The following STRA8 variants were observed in gnomAD, a reference collection of about 807,000 sequenced individuals.
STRA8 encodes stimulated by retinoic acid 8, also known as stimulated by retinoic acid gene 8 protein homolog.
STRA8 carries 18 observed loss-of-function variants against 37.1 expected under a neutral mutation model. That is an observed-to-expected ratio of 0.48 (90% CI 0.34 to 0.72). The LOEUF (loss-of-function observed/expected upper bound fraction) is 0.72, where lower values mean the gene tolerates loss of function less well. Ranked by LOEUF, STRA8 falls within the 30% of genes least tolerant of loss-of-function variation. The pLI is 0.01. For missense variants in STRA8, 357 were observed against 410.4 expected, an observed-to-expected ratio of 0.87 and a Z score of 1.13; for synonymous variants, 168 against 162.9, an observed-to-expected ratio of 1.03 and a Z score of -0.24.
intron 5 of STRA8, among the ~76,000 whole-genome samples, 176 bp downstream of exon 5, chr7:135,245,703 G>A (rs913011199): frequency 3.3e-5 from 5 of 152,184 alleles, no homozygotes; most frequent in Non-Finnish European, 7.3e-5. Flanking sequence ...GGGGCTGAGG[G>A]ACAGGACTGG....
At chr7:135,243,879 T>G (rs1585472613) in intron 4 of STRA8, among the ~76,000 whole-genome samples, 1 of 152,328 alleles carries the variant, frequency 6.6e-6, no homozygotes, top group East Asian at 1.9e-4. Flanking sequence ...CAGTCTATAT[T>G]CCAAGCCTCC....
In STRA8 at chr7:135,246,565, G is replaced by T; in HGVS notation, c.742G>T (p.Ala248Ser). 6.4e-7 allele frequency: 1 copy of T among 1,559,374 alleles called. No individual in the cohort carries two copies. Residue 248 changes from alanine (A) to serine (S), a missense_variant, in exon 6 of 9, where the codon GCC becomes TCC. By Grantham distance (99) the Ala-to-Ser change is moderately conservative. Coordinates refer to ENST00000662584, the MANE Select transcript of STRA8 (RefSeq NM_001394401.1). This position sits in a 1 kb window ranked among gnomAD's most constrained non-coding sequence, Gnocchi z 5.4. Reference sequence around the variant, plus strand: ...GGAGAGGAAGGCCAGCCTCCGGCAGGCCTGGGCGCAGAAGCACCGCGGCCC... The same window carrying T: ...GGAGAGGAAGGCCAGCCTCCGGCAGTCCTGGGCGCAGAAGCACCGCGGCCC... ...SEERKASLRQ[A>S]WAQKHRGPAT...
chr7:135,245,447 A>G lies in STRA8; in HGVS notation c.513A>G (p.Glu171=). 2.7e-6 allele frequency: 2 copies of G among 744,774 alleles called. No individual in the cohort carries two copies. The highest frequency in any genetic ancestry group is 1.4e-5 in the South Asian group (1 of 71,340). 46.1% of individuals were successfully genotyped at this position (744,774 alleles called of 1,614,324 possible). The change falls in exon 5 of 9, where the codon GAA becomes GAG. Residue 171 remains glutamate, a synonymous_variant. Coordinates refer to ENST00000662584, the MANE Select transcript of STRA8 (RefSeq NM_001394401.1). ...AGGAGGAGGAAGAGGAGGAAGAGGA[A>G]GAGGAGGAGGAGGAAGAGGAGAAAA... The part of the protein sequence containing the change: ...EEEEEEEEEE[E]EEEEEEEKKV...
intron 5 of STRA8, among the ~76,000 whole-genome samples, 76 bp downstream of exon 5, chr7:135,245,603 C>G (rs1490360046): frequency 1.3e-5 from 2 of 152,136 alleles, no homozygotes; most frequent in African/African-American, 4.8e-5. Context: ...GAGGCTCTGG[C>G]TGGGGTATGC....
intron 2 of STRA8, among the ~76,000 whole-genome samples, chr7:135,241,004 G>A (rs937898417): frequency 5.9e-5 from 9 of 152,272 alleles, no homozygotes; most frequent in Non-Finnish European, 1.3e-4. Flanking sequence ...ATGGGGGAAA[G>A]ACAAACAGGT....
At chr7:135,249,866 T>C (rs1336263202) in intron 6 of STRA8, among the ~76,000 whole-genome samples, 7 of 152,358 alleles carry the variant, frequency 4.6e-5, no homozygotes, top group African/African-American at 1.7e-4. Flanking sequence ...CAGGGAGGCC[T>C]ATGGGCTGAT....
intron 6 of STRA8, among the ~76,000 whole-genome samples, chr7:135,249,164 A>T (rs944224306): frequency 2.0e-5 from 3 of 152,208 alleles, no homozygotes; most frequent in Non-Finnish European, 4.4e-5. Context: ...TAAGATGATA[A>T]TGGAGCATAT....
At chr7:135,236,262 A>ATG (rs1270693628) in intron 1 of STRA8, among the ~76,000 whole-genome samples, 5 of 110,346 alleles carry the variant, frequency 4.5e-5, no homozygotes, top group African/African-American at 1.1e-4. Context: ...CTTTATATAT[A>ATG]TATATGTGTG....
chr7:135,239,741 T>G (rs1832432218), intron 1 of STRA8, among the ~76,000 whole-genome samples: 1 of 152,156 alleles, frequency 6.6e-6, no homozygotes, highest in African/African-American at 2.4e-5. Flanking sequence ...GCTTCTGGCT[T>G]GTAAGCTCAG....
intron 4 of STRA8, among the ~76,000 whole-genome samples, chr7:135,244,255 C>T (rs1043601031): frequency 6.6e-6 from 1 of 152,162 alleles, no homozygotes; most frequent in Non-Finnish European, 1.5e-5. Flanking sequence ...CACGGGGTTT[C>T]AACATGTTGC....
intron 6 of STRA8, among the ~76,000 whole-genome samples, chr7:135,251,052 A>G (rs1311341809): frequency 2.6e-5 from 4 of 152,218 alleles, no homozygotes; most frequent in African/African-American, 9.6e-5. Flanking sequence ...ATTGTTTCTC[A>G]GTAATTCTTA....
At chr7:135,253,884 C>G (rs1832670736) in intron 7 of STRA8, among the ~76,000 whole-genome samples, 1 of 152,212 alleles carries the variant, frequency 6.6e-6, no homozygotes, top group African/African-American at 2.4e-5. Flanking sequence ...ATCTCATTGT[C>G]CTCTCAAGGG....
chr7:135,248,230 T>C (rs1450090482), intron 6 of STRA8, among the ~76,000 whole-genome samples: 3 of 152,234 alleles, frequency 2.0e-5, no homozygotes, highest in African/African-American at 4.8e-5. Flanking sequence ...TCCTTCCAGT[T>C]TGCAGGCCTA....
chr7:135,243,297 T>C, intron 3 of STRA8, 29 bp from the exon 4 acceptor site: 1 of 1,612,750 alleles, frequency 6.2e-7, no homozygotes. Context: ...CTTTTCTCTT[T>C]GTGTTCCTGG....
intron 1 of STRA8, among the ~76,000 whole-genome samples, chr7:135,235,847 G>C (rs1832368069): frequency 6.6e-6 from 1 of 152,178 alleles, no homozygotes; most frequent in Admixed American, 6.5e-5. Context: ...GGTGGCTCAT[G>C]CCTGTAAAGC....
chr7:135,232,022 A>G (rs1210944974), upstream of STRA8: 12 of 1,613,974 alleles, frequency 7.4e-6, no homozygotes, highest in Non-Finnish European at 9.3e-6. Context: ...TTCAATCAAG[A>G]AATCAGGCTG....
chr7:135,236,556 C>G (rs1832381295), intron 1 of STRA8, among the ~76,000 whole-genome samples: 3 of 152,188 alleles, frequency 2.0e-5, no homozygotes, highest in African/African-American at 4.8e-5. Flanking sequence ...CCTCTCCAAG[C>G]ATGCCCAGTT....
chr7:135,255,867 C>G (rs1832697625), intron 8 of STRA8, among the ~76,000 whole-genome samples: 1 of 152,250 alleles, frequency 6.6e-6, no homozygotes, highest in Admixed American at 6.5e-5. Context: ...AGCAGGCATT[C>G]ATAAATGTTG....
At chr7:135,237,106 CA>C (rs1304173476) in intron 1 of STRA8, among the ~76,000 whole-genome samples, 18 of 152,212 alleles carry the variant, frequency 1.2e-4, no homozygotes, top group Admixed American at 2.0e-4. Context: ...AAACTGAAGA[CA>C]GGGGCAGAGA....
Sources: gnomAD v4.1 joint callset for allele counts (sites outside exome capture counted in the v4.1 genomes callset) on GRCh38, gnomAD v4.1.1 for gene constraint, Gnocchi (gnomAD v3.1) non-coding constraint, MANE v1.5 for transcripts, NCBI Gene and HGNC (gene_info 2026-07-23, HGNC 2026-07-21) for gene names.